Variants in GDI2 observed in about 807,000 individuals in gnomAD.
GDI2 encodes the protein rab GDP dissociation inhibitor beta.
In GDI2, 22 loss-of-function variants were observed where a neutral mutation model predicts 54.2. The observed-to-expected ratio is 0.41, with a 90% CI of 0.29 to 0.58. GDI2 has a LOEUF of 0.58. Among genes scored for constraint, GDI2 ranks in the 20% least tolerant of loss-of-function variants. The pLI is 0.35. For synonymous variants in GDI2, 177 were observed against 182.1 expected, an observed-to-expected ratio of 0.97 and a Z score of 0.23; for missense variants, 422 against 546.0, an observed-to-expected ratio of 0.77 and a Z score of 2.26.
intron 6 of GDI2, among the ~76,000 whole-genome samples, chr10:5,778,461 A>C (rs1384047628): frequency 6.6e-6 from 1 of 152,236 alleles, no homozygotes. Context: ...TGTGTAAGAG[A>C]CACACCTTTC....
intron 2 of GDI2, among the ~76,000 whole-genome samples, chr10:5,798,044 G>A (rs1436394042): frequency 6.6e-6 from 1 of 152,090 alleles, no homozygotes; most frequent in Non-Finnish European, 1.5e-5. Context: ...ATACATTTTG[G>A]TGAGTCTAGA....
chr10:5,789,282 A>G (rs930480780), intron 4 of GDI2, among the ~76,000 whole-genome samples: 1 of 151,394 alleles, frequency 6.6e-6, no homozygotes, highest in Non-Finnish European at 1.5e-5. Context: ...TATTTCTTGT[A>G]GATACAGGGG....
At chr10:5,804,941 C>A (rs1161284942) in intron 1 of GDI2, among the ~76,000 whole-genome samples, 1 of 151,660 alleles carries the variant, frequency 6.6e-6, no homozygotes, top group African/African-American at 2.4e-5. Context: ...TCAAGCGATT[C>A]TCCTGCCTCG....
At position 5,813,315 on chromosome 10, in the gene GDI2, AC is replaced by A; in HGVS notation, c.-58del. On this transcript the variant is annotated 5_prime_UTR_variant, in exon 1 of 11. Transcript: ENST00000380191. ...AAGGAAAAGGCGCAGGGGCTCCGTG[AC>A]CACCCTACGAGGCTGGGAGGCGCTC... The A allele has an allele frequency of 7.6e-7, 1 of 1,315,058 alleles. No individual in the cohort carries two copies. Among genetic ancestry groups the A allele is most frequent in the Non-Finnish European group, 1.1e-6 (1 of 933,914 alleles). The allele number at this position is 1,315,058 out of a possible 1,614,324, so 81.5% of individuals were successfully genotyped here.
intron 2 of GDI2, among the ~76,000 whole-genome samples, chr10:5,798,908 A>C (rs528292447): frequency 4.9e-4 from 75 of 152,224 alleles, no homozygotes; most frequent in African/African-American, 1.7e-3. Context: ...CAAGAGATGG[A>C]GGTTGCAGTG....
At chr10:5,787,011 T>C (rs750843675) in intron 4 of GDI2, among the ~76,000 whole-genome samples, 38 of 152,314 alleles carry the variant, frequency 2.5e-4, no homozygotes, top group Admixed American at 1.7e-3. Context: ...TCATAGATGA[T>C]AGACAAATAG....
At chr10:5,808,267 G>A (rs1394859976) in intron 1 of GDI2, among the ~76,000 whole-genome samples, 2 of 152,220 alleles carry the variant, frequency 1.3e-5, no homozygotes, top group African/African-American at 4.8e-5. Context: ...TGAGGCTACA[G>A]TGAGCTGTGA....
intron 7 of GDI2, among the ~76,000 whole-genome samples, chr10:5,770,252 G>C: frequency 6.6e-6 from 1 of 152,206 alleles, no homozygotes; most frequent in African/African-American, 2.4e-5. Context: ...TTAATTGGTA[G>C]TTTCCTTTAG....
intron 4 of GDI2, among the ~76,000 whole-genome samples, chr10:5,794,172 GAAAAAAAAAAA>G (rs1256206663): frequency 3.6e-5 from 1 of 27,954 alleles, no homozygotes; most frequent in South Asian, 1.5e-3. Context: ...GTCTTTAAAA[GAAAAAAAAAAA>G]AAAAAATATA....
intron 1 of GDI2, among the ~76,000 whole-genome samples, chr10:5,806,994 C>A (rs926919139): frequency 1.3e-5 from 2 of 152,072 alleles, no homozygotes; most frequent in East Asian, 1.9e-4. Context: ...AAGATGTGGC[C>A]GAGTCCAAAG....
rs181887414 is a variant in GDI2 at position 5,807,185 on chromosome 10, T to C, written c.45+6029A>G. 5.0e-4 allele frequency among the ~76,000 whole-genome samples: 76 copies of C among 152,326 alleles called. No individual in the cohort carries two copies. The East Asian group carries it at 0.014, about 27-fold the overall frequency. On this transcript the variant is annotated intron_variant, in intron 1 of 10. Transcript: ENST00000380191. ...ACATAATAAGCTTTGTTTTAAAACA[T>C]GGGTGAAGTCATTAATTGATAGAAT...
chr10:5,775,058 C>A (rs1398653862), intron 6 of GDI2, among the ~76,000 whole-genome samples: 1 of 152,212 alleles, frequency 6.6e-6, no homozygotes, highest in African/African-American at 2.4e-5. Context: ...GAAGCCGAGG[C>A]CAGCAGATGG....
At chr10:5,810,865 T>C (rs1023419120) in intron 1 of GDI2, among the ~76,000 whole-genome samples, 4 of 152,220 alleles carry the variant, frequency 2.6e-5, no homozygotes, top group Non-Finnish European at 4.4e-5. Flanking sequence ...TCAATATTTG[T>C]GATTATGAGC....
chr10:5,773,041 G>GT (rs1224548781), intron 7 of GDI2, among the ~76,000 whole-genome samples: 1 of 151,964 alleles, frequency 6.6e-6, no homozygotes, highest in Non-Finnish European at 1.5e-5. Flanking sequence ...ATTATCAGGC[G>GT]TTTTTTGCCC....
chr10:5,777,789 A>G (rs914755009), intron 6 of GDI2, among the ~76,000 whole-genome samples: 2 of 152,234 alleles, frequency 1.3e-5, no homozygotes, highest in African/African-American at 4.8e-5. Context: ...TACTGGGTAT[A>G]TACCCAAAGG....
In GDI2 at chr10:5,776,856, T is replaced by G; in HGVS notation, c.720-2915A>C. On this transcript the variant is annotated intron_variant, in intron 6 of 10. Transcript: ENST00000380191. This position sits in a 1 kb window ranked among gnomAD's most constrained non-coding sequence, Gnocchi z 5.3. ...AGGATATTCTGAAAGGATTTATGAATAATTAAAATGGAAGGCCAGAGAAGA... is the reference window on the plus strand; with the variant it reads ...AGGATATTCTGAAAGGATTTATGAAGAATTAAAATGGAAGGCCAGAGAAGA... 2 of 1,220,422 alleles carry G rather than the reference T, an allele frequency of 1.6e-6. No individual in the cohort carries two copies. The highest frequency in any genetic ancestry group is 2.3e-6 in the Non-Finnish European group (2 of 869,086). The allele number at this position is 1,220,422 out of a possible 1,614,324, so 75.6% of individuals were successfully genotyped here.
At position 5,789,603 on chromosome 10, in the gene GDI2, A is replaced by G. The variant is rs141356172; in HGVS notation, c.389-3553T>C. ...TGCCCAGCAGATTTGTGACAATTTG[A>G]AAAAACTTGCAGATGAACCGCATAG... On this transcript the variant is annotated intron_variant, in intron 4 of 10. Transcript: ENST00000380191. Among the ~76,000 whole-genome samples the G allele has an allele frequency of 1.1e-4, 17 of 152,316 alleles. No homozygotes were observed. The East Asian group carries it at 3.3e-3, about 29-fold the overall frequency.
At chr10:5,785,363 G>A (rs909469955) in intron 5 of GDI2, 90 bp from the exon 6 acceptor site, 41 of 952,618 alleles carry the variant, frequency 4.3e-5, no homozygotes, top group Admixed American at 1.2e-4. Flanking sequence ...ATTTCAATCC[G>A]CTATCTTCTT....
intron 4 of GDI2, among the ~76,000 whole-genome samples, chr10:5,792,345 T>TA (rs1045127449): frequency 2.0e-5 from 3 of 152,198 alleles, no homozygotes; most frequent in Non-Finnish European, 4.4e-5. Context: ...TAAAGTTAGA[T>TA]AATACACATG....
Sources: allele counts gnomAD v4.1 joint callset (sites outside exome capture counted in the v4.1 genomes callset), GRCh38; gene constraint gnomAD v4.1.1; non-coding constraint Gnocchi (gnomAD v3.1); transcripts MANE v1.5; gene names NCBI Gene and HGNC (gene_info 2026-07-23, HGNC 2026-07-21).